CELF2: variants seen among roughly 807,000 people sequenced by gnomAD.
CELF2 encodes the protein CUG triplet repeat RNA-binding protein 2.
Under a neutral mutation model 62.6 loss-of-function variants are expected in CELF2, and 8 were observed. The ratio of observed to expected loss-of-function variants is 0.13; its 90% confidence interval spans 0.07 to 0.23. CELF2 has a LOEUF of 0.23. Among genes scored for constraint, CELF2 ranks in the 10% least tolerant of loss-of-function variants. CELF2 has a pLI of 1.00. For synonymous variants in CELF2, 258 were observed against 250.0 expected (o/e 1.03, Z -0.30); for missense variants, 333 against 671.0 (o/e 0.50, Z 5.56).
chr10:10,901,841 A>G (rs2062958838), intron 1 of CELF2, among the ~76,000 whole-genome samples: 1 of 152,234 alleles, frequency 6.6e-6, no homozygotes, highest in African/African-American at 2.4e-5. Flanking sequence ...ATGTATAAAG[A>G]ATACTTTCAA....
intron 1 of CELF2, among the ~76,000 whole-genome samples, chr10:11,082,766 T>C (rs976195039): frequency 1.3e-5 from 2 of 152,244 alleles, no homozygotes; most frequent in Non-Finnish European, 2.9e-5. Context: ...TAAGCCATGC[T>C]TTATGGCCTG....
chr10:10,540,922 T>G, the CELF2 span, among the ~76,000 whole-genome samples: 1 of 152,004 alleles, frequency 6.6e-6, no homozygotes, highest in Non-Finnish European at 1.5e-5. Context: ...CAGTGGCTCA[T>G]GCCTGTAATC....
upstream of CELF2, among the ~76,000 whole-genome samples, chr10:11,000,718 G>A (rs1437076915): frequency 6.6e-6 from 1 of 152,166 alleles, no homozygotes; most frequent in Non-Finnish European, 1.5e-5. Context: ...CTTTAGCAAT[G>A]CTACTGGTGT....
At chr10:11,249,465 G>C (rs374942894) in intron 4 of CELF2, among the ~76,000 whole-genome samples, 1 of 152,108 alleles carries the variant, frequency 6.6e-6, no homozygotes, top group East Asian at 1.9e-4. Flanking sequence ...TTTGGGACTT[G>C]CCCTGTATAG....
chr10:10,590,654 C>A, the CELF2 span, among the ~76,000 whole-genome samples: 1 of 152,222 alleles, frequency 6.6e-6, no homozygotes, highest in Non-Finnish European at 1.5e-5. Context: ...CCCAACAGGT[C>A]TGCCTTCCTG....
chr10:10,713,246 C>T, the CELF2 span, among the ~76,000 whole-genome samples: 1 of 152,210 alleles, frequency 6.6e-6, no homozygotes, highest in Non-Finnish European at 1.5e-5. Flanking sequence ...TTTTCTCTTA[C>T]TCATAATGTC....
rs2095981819 is a variant in CELF2 at position 11,330,366 on chromosome 10, A to G, written c.*1313A>G. On this transcript the variant is annotated 3_prime_UTR_variant, in exon 13 of 13. Coordinates refer to ENST00000633077, the MANE Select transcript of CELF2 (RefSeq NM_001326342.2). The surrounding 1 kb of genome is among the most constrained non-coding windows in gnomAD (Gnocchi z 4.5). ...GACTCCCTAATGACCTAAGATTTGC[A>G]TTAGTTTTTCTCCTGCACCCTTAAA... 2 of 152,616 alleles carry G rather than the reference A, an allele frequency of 1.3e-5. No homozygotes were observed. The highest frequency in any genetic ancestry group is 4.8e-5 in the African/African-American group (2 of 41,444). 9.5% of individuals were successfully genotyped at this position (152,616 alleles called of 1,614,324 possible).
chr10:10,749,393 C>A, the CELF2 span, among the ~76,000 whole-genome samples: 3 of 152,170 alleles, frequency 2.0e-5, no homozygotes, highest in African/African-American at 2.4e-5. Context: ...ATCTAAATTA[C>A]AGTTTTATGT....
chr10:11,080,222 T>C (rs965452846), intron 1 of CELF2, among the ~76,000 whole-genome samples: 1 of 152,216 alleles, frequency 6.6e-6, no homozygotes, highest in Non-Finnish European at 1.5e-5. Flanking sequence ...AGTGAGGTCA[T>C]GTAAAAGATC....
chr10:11,218,127 G>A (rs571892141), intron 3 of CELF2, among the ~76,000 whole-genome samples: 6 of 152,294 alleles, frequency 3.9e-5, no homozygotes, highest in African/African-American at 1.4e-4. Flanking sequence ...TTGCATGTAG[G>A]AACACCAGAA....
At chr10:10,889,088 A>G (rs2133861894) in intron 1 of CELF2, among the ~76,000 whole-genome samples, 1 of 152,342 alleles carries the variant, frequency 6.6e-6, no homozygotes, top group African/African-American at 2.4e-5. Context: ...AAAACTCTTA[A>G]TGTAAAACCT....
chr10:10,757,349 C>T, the CELF2 span, among the ~76,000 whole-genome samples: 1 of 152,100 alleles, frequency 6.6e-6, no homozygotes, highest in Non-Finnish European at 1.5e-5. Flanking sequence ...GTCCCAGCTA[C>T]TCGGGAGGCT....
the CELF2 span, among the ~76,000 whole-genome samples, chr10:10,514,719 A>G: frequency 1.3e-5 from 2 of 152,102 alleles, no homozygotes; most frequent in African/African-American, 4.8e-5. Flanking sequence ...AAATCTCTAG[A>G]GATTTAAGAC....
Position 11,180,730 on chromosome 10 carries a change from A to G in CELF2, c.271+15048A>G, listed in dbSNP as rs185603847. 1.8e-3 allele frequency among the ~76,000 whole-genome samples: 269 copies of G among 152,344 alleles called. 5 individuals are homozygous for G. The highest frequency in any genetic ancestry group is 1.0e-3 in the Non-Finnish European group (70 of 68,022). On this transcript the variant is annotated intron_variant, in intron 2 of 12. Transcript: ENST00000633077. The stretch of plus-strand genomic sequence containing the variant: ...CTGTACTAAGGGCTGACTATACATT[A>G]TCTTGTTAAAATGTGTCCTCACAAT...
the CELF2 span, chr10:10,786,764 A>T: frequency 6.6e-6 from 1 of 152,186 alleles, no homozygotes; most frequent in African/African-American, 2.4e-5. Context: ...TTCTAGAATT[A>T]AGCAAAGTGA....
chr10:10,615,815 T>C, the CELF2 span, among the ~76,000 whole-genome samples: 4,248 of 152,176 alleles, frequency 0.028, 204 homozygotes, highest in African/African-American at 0.096. Flanking sequence ...GGCAGAACCA[T>C]AAGCCCAATT....
chr10:10,978,034 G>GTTTTTT lies in CELF2; in HGVS notation c.89+58036_89+58041dup, dbSNP rs527485788. Among the ~76,000 whole-genome samples the GTTTTTT allele has an allele frequency of 1.6e-5, 2 of 121,784 alleles. 1 individual carries two copies. Among genetic ancestry groups the GTTTTTT allele is most frequent in the Non-Finnish European group, 3.4e-5 (2 of 59,358 alleles). The allele number at this position is 121,784 out of a possible 152,430, so 79.9% of individuals were successfully genotyped here. On this transcript the variant is annotated intron_variant, in intron 2 of 13. Coordinates refer to the CELF2 transcript ENST00000636488. ...GTGTTTTGGGTTTGGGTTTTTTTTT[G>GTTTTTT]TTTTTTGTTTTTTTTTTTCCAGAGA...
At chr10:10,855,062 CG>C (rs1233163045) in intron 1 of CELF2, among the ~76,000 whole-genome samples, 2 of 152,196 alleles carry the variant, frequency 1.3e-5, no homozygotes, top group Non-Finnish European at 2.9e-5. Flanking sequence ...TGCCAAGCAT[CG>C]GGTCCACCAG....
rs1027960672 is a variant in CELF2, at chr10:11,012,867, C to A, written c.53+7427C>A. ...TCTTCAAGAGGGCACTGGGACATTT[C>A]TTCAAAGGATTTTTTTTTTTCTGAG... On this transcript the variant is annotated intron_variant, in intron 1 of 12. Transcript: ENST00000416382. The surrounding 1 kb of genome is among the most constrained non-coding windows in gnomAD (Gnocchi z 5.5). Among the ~76,000 whole-genome samples, 3 of 152,092 alleles carry A rather than the reference C, an allele frequency of 2.0e-5. No homozygotes were observed. Among genetic ancestry groups the A allele is most frequent in the African/African-American group, 7.2e-5 (3 of 41,412 alleles).
Sources: gnomAD v4.1 joint callset for allele counts (sites outside exome capture counted in the v4.1 genomes callset) on GRCh38, gnomAD v4.1.1 for gene constraint, Gnocchi (gnomAD v3.1) non-coding constraint, MANE v1.5 for transcripts, NCBI Gene and HGNC (gene_info 2026-07-23, HGNC 2026-07-21) for gene names.